The following LRMDA variants were observed in gnomAD, a reference collection of about 807,000 sequenced individuals.
LRMDA encodes the protein leucine rich melanocyte differentiation associated.
In LRMDA, 18 loss-of-function variants were observed where a neutral mutation model predicts 29.8. The observed-to-expected ratio is 0.60, with a 90% CI of 0.42 to 0.90. LRMDA has a LOEUF of 0.90. Among genes scored for constraint, LRMDA ranks in the 40% least tolerant of loss-of-function variants. The probability of loss-of-function intolerance (pLI) is 0.00; values close to 1 mark genes in which losing one functional copy is unlikely to be tolerated. For synonymous variants in LRMDA, 125 were observed against 109.4 expected (o/e 1.14, Z -0.89); for missense variants, 273 against 273.9 (o/e 1.00, Z 0.02).
At chr10:76,379,967 C>T (rs1338617413) in intron 6 of LRMDA, among the ~76,000 whole-genome samples, 1 of 152,126 alleles carries the variant, frequency 6.6e-6, no homozygotes, top group Non-Finnish European at 1.5e-5. Context: ...TGTCATTGAT[C>T]CAAAGATCAT....
chr10:75,573,130 A>G (rs1410573163), intron 2 of LRMDA, among the ~76,000 whole-genome samples: 1 of 152,172 alleles, frequency 6.6e-6, no homozygotes, highest in Non-Finnish European at 1.5e-5. Flanking sequence ...GTCTTCTGGA[A>G]TTTGCTGTTA....
At chr10:75,859,669 A>G (rs111621983) in intron 2 of LRMDA, among the ~76,000 whole-genome samples, 2,324 of 151,206 alleles carry the variant, frequency 0.015, 24 homozygotes, top group Middle Eastern at 0.027. Context: ...TCGATGCCTC[A>G]TACATTGCAA....
chr10:75,557,372 C>T (rs1050032406), intron 2 of LRMDA, among the ~76,000 whole-genome samples: 10 of 150,638 alleles, frequency 6.6e-5, no homozygotes, highest in African/African-American at 2.4e-4. Context: ...TCAATAATTA[C>T]ACTAAATATT....
chr10:75,520,704 C>T (rs566438435), intron 2 of LRMDA, among the ~76,000 whole-genome samples: 8 of 152,306 alleles, frequency 5.3e-5, no homozygotes, highest in African/African-American at 1.4e-4. Flanking sequence ...AGTCATTCTC[C>T]GTCCTGCTTT....
intron 2 of LRMDA, among the ~76,000 whole-genome samples, chr10:75,785,388 G>T (rs1843454348): frequency 6.6e-6 from 1 of 152,200 alleles, no homozygotes; most frequent in Admixed American, 6.5e-5. Flanking sequence ...GGTGAGCCCA[G>T]GGTGGAGATG....
At chr10:75,774,008 G>A (rs1190715295) in intron 2 of LRMDA, among the ~76,000 whole-genome samples, 1 of 152,194 alleles carries the variant, frequency 6.6e-6, no homozygotes, top group African/African-American at 2.4e-5. Context: ...CATAGTATGA[G>A]TACATGGTAG....
intron 6 of LRMDA, among the ~76,000 whole-genome samples, chr10:76,439,631 T>C (rs1842280287): frequency 6.6e-6 from 1 of 152,192 alleles, no homozygotes; most frequent in South Asian, 2.1e-4. Context: ...CTGAGTGATC[T>C]CAGGATTAGA....
intron 6 of LRMDA, among the ~76,000 whole-genome samples, chr10:76,508,896 A>G (rs1842983678): frequency 6.6e-6 from 1 of 152,148 alleles, no homozygotes; most frequent in South Asian, 2.1e-4. Context: ...AACCCAGTCT[A>G]AAGTTTGGTC....
chr10:75,799,334 G>C (rs188944687), intron 2 of LRMDA, among the ~76,000 whole-genome samples: 3 of 151,994 alleles, frequency 2.0e-5, no homozygotes, highest in Non-Finnish European at 2.9e-5. Flanking sequence ...TCTCTGCCTC[G>C]AAGCTTACTT....
chr10:76,383,423 T>TTTTTTTTTTTCTTTTTTC (rs1841617994), intron 6 of LRMDA, among the ~76,000 whole-genome samples: 5 of 132,226 alleles, frequency 3.8e-5, no homozygotes, highest in African/African-American at 1.3e-4. Context: ...TTCTTTTTTT[T>TTTTTTTTTTTCTTTTTTC]TTTTTTTTTT....
intron 5 of LRMDA, among the ~76,000 whole-genome samples, chr10:76,285,901 G>A (rs1035829722): frequency 2.3e-4 from 35 of 152,262 alleles, no homozygotes; most frequent in Non-Finnish European, 4.3e-4. Flanking sequence ...TGAAAAGGCA[G>A]TAAATTCATA....
At chr10:76,515,310 T>A (rs113142932) in intron 6 of LRMDA, among the ~76,000 whole-genome samples, 4 of 152,284 alleles carry the variant, frequency 2.6e-5, no homozygotes, top group African/African-American at 9.6e-5. Flanking sequence ...GCTAAATGTC[T>A]AGAAAATAAA....
chr10:76,084,849 C>A (rs972201943), intron 5 of LRMDA, among the ~76,000 whole-genome samples: 3 of 152,180 alleles, frequency 2.0e-5, no homozygotes, highest in African/African-American at 4.8e-5. Context: ...TCACATTGCT[C>A]ATTAATAGCA....
intron 2 of LRMDA, among the ~76,000 whole-genome samples, chr10:75,533,314 T>C (rs1161743408): frequency 6.6e-6 from 1 of 152,200 alleles, no homozygotes; most frequent in African/African-American, 2.4e-5. Flanking sequence ...ATAATGACAT[T>C]TTAATGAGGA....
intron 2 of LRMDA, among the ~76,000 whole-genome samples, chr10:75,591,107 T>C (rs141370090): frequency 1.5e-3 from 235 of 152,274 alleles, no homozygotes; most frequent in African/African-American, 5.3e-3. Context: ...CTGGGCATGG[T>C]GGCTCATGCC....
intron 6 of LRMDA, among the ~76,000 whole-genome samples, chr10:76,553,352 C>G (rs755323286): frequency 6.6e-6 from 1 of 152,226 alleles, no homozygotes; most frequent in Non-Finnish European, 1.5e-5. Flanking sequence ...CAAATGAATC[C>G]GTTGCAGATG....
chr10:76,463,653 G>A (rs936557082), intron 6 of LRMDA, among the ~76,000 whole-genome samples: 1 of 152,280 alleles, frequency 6.6e-6, no homozygotes, highest in East Asian at 1.9e-4. Flanking sequence ...GGCAGGGGAG[G>A]GGGGAAGGGC....
At chr10:75,924,079 T>A (rs539852896) in intron 2 of LRMDA, among the ~76,000 whole-genome samples, 1 of 152,378 alleles carries the variant, frequency 6.6e-6, no homozygotes, top group Non-Finnish European at 1.5e-5. Flanking sequence ...CATATGTGTC[T>A]CAGCTAATGC....
intron 2 of LRMDA, among the ~76,000 whole-genome samples, chr10:75,529,449 G>A (rs1386460243): frequency 6.6e-6 from 1 of 152,208 alleles, no homozygotes; most frequent in Non-Finnish European, 1.5e-5. Flanking sequence ...GGTAACTACT[G>A]GAGGAGGAGT....
Sources: allele counts gnomAD v4.1 joint callset (sites outside exome capture counted in the v4.1 genomes callset), GRCh38; gene constraint gnomAD v4.1.1; transcripts MANE v1.5; gene names NCBI Gene and HGNC (gene_info 2026-07-23, HGNC 2026-07-21).